OTUD7A: variants seen among roughly 807,000 people sequenced by gnomAD.
OTUD7A encodes the protein OTU deubiquitinase 7A.
In OTUD7A, 12 loss-of-function variants were observed where a neutral mutation model predicts 65.7. The ratio of observed to expected loss-of-function variants is 0.18; its 90% CI spans 0.12 to 0.30. OTUD7A has a LOEUF of 0.30. Among genes scored for constraint, OTUD7A ranks in the 10% least tolerant of loss-of-function variants. The pLI is 1.00. For missense variants in OTUD7A, 1,148 were observed against 1,304.8 expected, an observed-to-expected ratio of 0.88 and a Z score of 1.85; for synonymous variants, 641 against 586.3, an observed-to-expected ratio of 1.09 and a Z score of -1.35.
chr15:31,509,185 T>C (rs923479300), intron 8 of OTUD7A, among the ~76,000 whole-genome samples: 6 of 152,122 alleles, frequency 3.9e-5, no homozygotes, highest in African/African-American at 7.2e-5. Flanking sequence ...ATTGTGCTTT[T>C]ATTTTAATGT....
At chr15:31,571,523 G>C (rs1011566442) in intron 3 of OTUD7A, among the ~76,000 whole-genome samples, 4 of 152,158 alleles carry the variant, frequency 2.6e-5, no homozygotes, top group African/African-American at 9.7e-5. Flanking sequence ...CTCTGATGGT[G>C]AATATATCAT....
chr15:31,613,955 G>C (rs1890507084), intron 3 of OTUD7A, among the ~76,000 whole-genome samples: 1 of 152,134 alleles, frequency 6.6e-6, no homozygotes, highest in Admixed American at 6.6e-5. Context: ...ATACACAATG[G>C]AATATTACTC....
At chr15:31,705,042 CT>C in intron 1 of OTUD7A, among the ~76,000 whole-genome samples, 1 of 146,270 alleles carries the variant, frequency 6.8e-6, no homozygotes, top group Non-Finnish European at 1.5e-5. Context: ...CACATTTCAA[CT>C]GTATCGCCAG....
At chr15:31,846,530 T>G (rs566049145) in intron 1 of OTUD7A, among the ~76,000 whole-genome samples, 1 of 152,048 alleles carries the variant, frequency 6.6e-6, no homozygotes, top group Non-Finnish European at 1.5e-5. Context: ...CTGGTATGGC[T>G]CACTCGTCTC....
rs1383375056 is a variant in OTUD7A at position 31,684,698 on chromosome 15, G to A, written c.-99-27621C>T. Among the ~76,000 whole-genome samples the A allele has an allele frequency of 2.0e-4, 28 of 142,882 alleles. No homozygotes were observed. The South Asian group carries it at 2.6e-3, about 13-fold the overall frequency. 93.7% of individuals were successfully genotyped at this position (142,882 alleles called of 152,430 possible). A position where few individuals can be genotyped will look rare whatever the true frequency, so the allele number is the denominator to read the frequency against. ...AGAGTTGTTTCATCAGAGCAACCAC[G>A]TGAGAAGAGTCAGAGAGAGCCTGAG... On this transcript the variant is annotated intron_variant, in intron 1 of 12. Transcript: ENST00000307050.
chr15:31,811,197 A>AATAATACTTC (rs1896405087), intron 1 of OTUD7A, among the ~76,000 whole-genome samples: 1 of 152,160 alleles, frequency 6.6e-6, no homozygotes, highest in Non-Finnish European at 1.5e-5. Context: ...CTAGCTAGGG[A>AATAATACTTC]GAGACAGTGA....
intron 1 of OTUD7A, among the ~76,000 whole-genome samples, chr15:31,852,947 C>T (rs1422343638): frequency 1.3e-5 from 2 of 152,168 alleles, no homozygotes; most frequent in Non-Finnish European, 2.9e-5. Context: ...CAGGACCAGG[C>T]AGTATACAGG....
chr15:31,602,741 G>GTTCCTT (rs1890117973), intron 3 of OTUD7A, among the ~76,000 whole-genome samples: 3 of 152,180 alleles, frequency 2.0e-5, no homozygotes, highest in Non-Finnish European at 4.4e-5. Flanking sequence ...AAGCTGATAA[G>GTTCCTT]TAACTTCAGC....
intron 1 of OTUD7A, among the ~76,000 whole-genome samples, chr15:31,687,817 A>C (rs1197930837): frequency 1.3e-5 from 2 of 152,228 alleles, no homozygotes. Context: ...AACAACCATC[A>C]AGGGATGCTA....
chr15:31,551,533 G>C (rs1182779098), intron 5 of OTUD7A, among the ~76,000 whole-genome samples: 2 of 152,208 alleles, frequency 1.3e-5, no homozygotes, highest in Non-Finnish European at 2.9e-5. Flanking sequence ...TGACTTTTCT[G>C]AGCAATAGTC....
At chr15:31,547,559 G>C (rs1352389954) in intron 5 of OTUD7A, among the ~76,000 whole-genome samples, 2 of 152,074 alleles carry the variant, frequency 1.3e-5, no homozygotes, top group African/African-American at 4.8e-5. Context: ...AAATAAAAGT[G>C]AGAACATAAT....
At chr15:31,626,493 G>A (rs1255705626) in intron 3 of OTUD7A, among the ~76,000 whole-genome samples, 1 of 152,144 alleles carries the variant, frequency 6.6e-6, no homozygotes, top group Non-Finnish European at 1.5e-5. Flanking sequence ...AGAGTGGTGG[G>A]TTCTGTGTGT....
At chr15:31,774,224 G>A (rs2140917104) in intron 1 of OTUD7A, among the ~76,000 whole-genome samples, 1 of 152,334 alleles carries the variant, frequency 6.6e-6, no homozygotes, top group South Asian at 2.1e-4. Flanking sequence ...AGCAAATTCT[G>A]ACGAGCAAGG....
chr15:31,798,141 T>C (rs1896021521), intron 1 of OTUD7A, among the ~76,000 whole-genome samples: 1 of 152,120 alleles, frequency 6.6e-6, no homozygotes, highest in African/African-American at 2.4e-5. Flanking sequence ...TTAAAGACCA[T>C]ATCTCCAAAT....
At chr15:31,683,895 T>C (rs2141309479) in intron 1 of OTUD7A, among the ~76,000 whole-genome samples, 1 of 152,286 alleles carries the variant, frequency 6.6e-6, no homozygotes, top group East Asian at 1.9e-4. Flanking sequence ...GATCAGCTGT[T>C]TGAGTCAGAA....
chr15:31,843,681 G>A (rs1002808195), intron 1 of OTUD7A, among the ~76,000 whole-genome samples: 4 of 152,174 alleles, frequency 2.6e-5, no homozygotes, highest in African/African-American at 9.7e-5. Context: ...TTTTTGGTCT[G>A]TTTTGTTTTT....
intron 3 of OTUD7A, among the ~76,000 whole-genome samples, chr15:31,604,828 C>A (rs139133437): frequency 2.0e-5 from 3 of 152,272 alleles, no homozygotes; most frequent in Non-Finnish European, 2.9e-5. Context: ...GTGCTCAGGG[C>A]TTGTGGCAAA....
In OTUD7A at chr15:31,737,606, T is replaced by C. The variant is rs551731200; in HGVS notation, c.-99-80529A>G. ...GTTCAATATCTAAGAACTTGTTGAC[T>C]CAGTGGTCCCATTTTTGGAAATATA... On this transcript the variant is annotated intron_variant, in intron 1 of 12. Coordinates refer to ENST00000307050, the MANE Select transcript of OTUD7A (RefSeq NM_001382637.1). Among the ~76,000 whole-genome samples, 5 of 152,206 alleles carry C rather than the reference T, an allele frequency of 3.3e-5. No homozygotes were observed. The South Asian group carries it at 1.0e-3, about 32-fold the overall frequency.
chr15:31,755,887 G>A (rs150256005), intron 1 of OTUD7A, among the ~76,000 whole-genome samples: 1 of 36,868 alleles, frequency 2.7e-5, no homozygotes, highest in African/African-American at 1.2e-4. Flanking sequence ...CAGCCAGGCA[G>A]GCAGCAAGGC....
Sources: gnomAD v4.1 joint callset for allele counts (sites outside exome capture counted in the v4.1 genomes callset) on GRCh38, gnomAD v4.1.1 for gene constraint, MANE v1.5 for transcripts, NCBI Gene and HGNC (gene_info 2026-07-23, HGNC 2026-07-21) for gene names.